Variants in MECOM observed in about 807,000 individuals in gnomAD.
MECOM encodes the protein MDS1 and EVI1 complex locus.
Under a neutral mutation model 116.3 loss-of-function variants are expected in MECOM, and 13 were observed. The ratio of observed to expected loss-of-function variants is 0.11; its 90% confidence interval spans 0.07 to 0.18. The LOEUF (loss-of-function observed/expected upper bound fraction) is 0.18, where lower values mean the gene tolerates loss of function less well. Among genes scored for constraint, MECOM ranks in the 10% least tolerant of loss-of-function variants. MECOM has a pLI of 1.00. For synonymous variants in MECOM, 528 were observed against 535.2 expected, an observed-to-expected ratio of 0.99 and a Z score of 0.19; for missense variants, 1,299 against 1,509.0, an observed-to-expected ratio of 0.86 and a Z score of 2.31.
Position 169,115,700 on chromosome 3 carries a change from G to A in MECOM, c.2172C>T (p.Pro724=), listed in dbSNP as rs150980249. The change falls in exon 8 of 17, where the codon CCC becomes CCT. Residue 724 remains proline (P), a synonymous_variant. Coordinates refer to ENST00000651503, the MANE Select transcript of MECOM (RefSeq NM_004991.4). The part of the protein sequence containing the change: ...DLRSLPLKME[P]QSPGEVKKLQ... The stretch of plus-strand genomic sequence containing the variant: ...GTTTCTTTACTTCACCTGGTGATTG[G>A]GGTTCCATTTTCAAAGGTAACGATC... 2.0e-4 allele frequency: 315 copies of A among 1,614,104 alleles called. No homozygotes were observed. Among genetic ancestry groups the A allele is most frequent in the Admixed American group, 6.0e-4 (36 of 60,022 alleles).
intron 2 of MECOM, among the ~76,000 whole-genome samples, chr3:169,345,293 G>A (rs2149796589): frequency 6.6e-6 from 1 of 152,062 alleles, no homozygotes; most frequent in Middle Eastern, 3.4e-3. Flanking sequence ...TATTTGTAAA[G>A]CAGTTTAAAG....
chr3:169,247,142 G>A (rs1241368151), intron 2 of MECOM, among the ~76,000 whole-genome samples: 3 of 151,930 alleles, frequency 2.0e-5, no homozygotes, highest in Non-Finnish European at 4.4e-5. Flanking sequence ...AAAAACCTCT[G>A]AAACTTTTTG....
chr3:169,260,066 A>G (rs1053982678), intron 2 of MECOM, among the ~76,000 whole-genome samples: 1 of 152,222 alleles, frequency 6.6e-6, no homozygotes, highest in East Asian at 1.9e-4. Flanking sequence ...TATGACTGAA[A>G]GTAGGTACAA....
intron 1 of MECOM, among the ~76,000 whole-genome samples, chr3:169,657,438 C>T (rs1775673029): frequency 6.6e-6 from 1 of 152,142 alleles, no homozygotes; most frequent in African/African-American, 2.4e-5. Flanking sequence ...TAATAAGATG[C>T]TGTAGCTTTT....
chr3:169,512,242 C>T (rs901237289), intron 1 of MECOM, among the ~76,000 whole-genome samples: 24 of 152,298 alleles, frequency 1.6e-4, no homozygotes, highest in African/African-American at 5.3e-4. Flanking sequence ...CCCAACCACC[C>T]TACCATACCC....
chr3:169,322,523 A>C (rs1207393298), intron 2 of MECOM, among the ~76,000 whole-genome samples: 3 of 152,200 alleles, frequency 2.0e-5, no homozygotes, highest in African/African-American at 7.2e-5. Flanking sequence ...AGCCTGACCA[A>C]GACTTATCAG....
intron 2 of MECOM, among the ~76,000 whole-genome samples, chr3:169,172,006 C>A (rs1744481342): frequency 6.6e-6 from 1 of 152,046 alleles, no homozygotes; most frequent in South Asian, 2.1e-4. Context: ...GACAGAGAAA[C>A]TCCTGTGAAA....
At chr3:169,191,787 AAAGAAAGG>A (rs1559974153) in intron 2 of MECOM, among the ~76,000 whole-genome samples, 1 of 146,794 alleles carries the variant, frequency 6.8e-6, no homozygotes, top group Non-Finnish European at 1.5e-5. Flanking sequence ...AGAAAGAAAG[AAAGAAAGG>A]GAGGGAAGGA....
chr3:169,658,714 C>A lies in MECOM; in HGVS notation c.37+4622G>T, dbSNP rs185472472. The stretch of plus-strand genomic sequence containing the variant: ...CTTGGGCCACTTCCTCAGCACCAGA[C>A]GGTTTTGAGATGAAGCGTGGGAGGG... On this transcript the variant is annotated intron_variant, in intron 1 of 16. Coordinates refer to ENST00000651503, the MANE Select transcript of MECOM (RefSeq NM_004991.4). 2.9e-3 allele frequency among the ~76,000 whole-genome samples: 446 copies of A among 152,296 alleles called. 1 individual carries two copies. Among genetic ancestry groups the A allele is most frequent in the Middle Eastern group, 6.8e-3 (2 of 294 alleles).
chr3:169,641,396 A>G (rs1335457033), intron 1 of MECOM, among the ~76,000 whole-genome samples: 1 of 151,966 alleles, frequency 6.6e-6, no homozygotes, highest in Non-Finnish European at 1.5e-5. Context: ...CACTGAGCCA[A>G]CTCCTTACTG....
At chr3:169,548,283 C>A (rs550069736) in intron 1 of MECOM, among the ~76,000 whole-genome samples, 27 of 152,186 alleles carry the variant, frequency 1.8e-4, no homozygotes, top group African/African-American at 6.3e-4. Flanking sequence ...AGAATGCCAC[C>A]TTTTTCTCTA....
chr3:169,648,506 C>T (rs902245608), intron 1 of MECOM, among the ~76,000 whole-genome samples: 11 of 152,184 alleles, frequency 7.2e-5, no homozygotes, highest in African/African-American at 1.9e-4. Context: ...CAACAGAATA[C>T]GTAAATCACT....
chr3:169,086,219 C>A (rs907470786), intron 16 of MECOM, among the ~76,000 whole-genome samples: 4 of 152,104 alleles, frequency 2.6e-5, no homozygotes, highest in Non-Finnish European at 5.9e-5. Context: ...ATCTCATGAT[C>A]CATTTAACAA....
rs142769838 is a variant in MECOM at position 169,544,960 on chromosome 3, C to T, written c.37+118376G>A. 5.3e-4 allele frequency among the ~76,000 whole-genome samples: 81 copies of T among 152,214 alleles called. No homozygotes were observed. In the Middle Eastern group the frequency reaches 0.017, roughly 32 times the overall value. The stretch of plus-strand genomic sequence containing the variant: ...CTAGATGACAGGTTGATAGGTGCAG[C>T]AAACCACCATGGCACATGTATACCT... On this transcript the variant is annotated intron_variant, in intron 1 of 16. Transcript: ENST00000651503.
chr3:169,392,927 A>G (rs1481483375), intron 1 of MECOM, among the ~76,000 whole-genome samples: 1 of 152,184 alleles, frequency 6.6e-6, no homozygotes, highest in Non-Finnish European at 1.5e-5. Flanking sequence ...ATGCTTCCAA[A>G]TAACTCATAA....
intron 2 of MECOM, among the ~76,000 whole-genome samples, chr3:169,243,469 T>C (rs746114739): frequency 2.8e-4 from 42 of 152,178 alleles, no homozygotes; most frequent in Non-Finnish European, 5.4e-4. Flanking sequence ...TTCTAGGGTT[T>C]TTATTGACTT....
Position 169,288,836 on chromosome 3 carries a change from T to C in MECOM, c.375+92351A>G, listed in dbSNP as rs756199614. On this transcript the variant is annotated intron_variant, in intron 2 of 16. Transcript: ENST00000651503. ...CCTGTGTTATCCTCAATCACGATTGTGTAAAATAGATTGCATAAAGTTGCC... is the reference window on the plus strand; with the variant it reads ...CCTGTGTTATCCTCAATCACGATTGCGTAAAATAGATTGCATAAAGTTGCC... 1.6e-4 allele frequency among the ~76,000 whole-genome samples: 25 copies of C among 152,212 alleles called. No homozygotes were observed. In the South Asian group the frequency reaches 2.3e-3, roughly 14 times the overall value.
intron 12 of MECOM, among the ~76,000 whole-genome samples, chr3:169,099,262 A>G (rs951244985): frequency 9.9e-5 from 15 of 152,212 alleles, no homozygotes; most frequent in Non-Finnish European, 2.1e-4. Flanking sequence ...AAATTTATGT[A>G]CAAAGAAAGA....
intron 15 of MECOM, among the ~76,000 whole-genome samples, chr3:169,089,421 A>C: frequency 6.6e-6 from 1 of 152,162 alleles, no homozygotes; most frequent in Non-Finnish European, 1.5e-5. Context: ...AAAGAGTTAA[A>C]GTCAGTGACA....
Sources: allele counts gnomAD v4.1 joint callset (sites outside exome capture counted in the v4.1 genomes callset), GRCh38; gene constraint gnomAD v4.1.1; transcripts MANE v1.5; gene names NCBI Gene and HGNC (gene_info 2026-07-23, HGNC 2026-07-21).